Variants in ZNF843 observed in about 807,000 individuals in gnomAD.
ZNF843 encodes zinc finger protein 843.
For missense variants in ZNF843, 482 were observed against 469.4 expected (o/e 1.03, Z -0.25); for synonymous variants, 185 against 207.7 (o/e 0.89, Z 0.94).
chr16:31,437,468 ATTTT>A (rs554255057), intron 1 of ZNF843, among the ~76,000 whole-genome samples: 1 of 121,536 alleles, frequency 8.2e-6, no homozygotes. Flanking sequence ...TAGGCCCAGC[ATTTT>A]TTTTTTTTTT....
chr16:31,438,671 A>T (rs976443347), intron 1 of ZNF843, among the ~76,000 whole-genome samples: 1 of 151,986 alleles, frequency 6.6e-6, no homozygotes, highest in African/African-American at 2.4e-5. Context: ...GCATGCTGCC[A>T]CCCAGTTATT....
chr16:31,440,085 C>T (rs1013533274), intron 1 of ZNF843, among the ~76,000 whole-genome samples: 2 of 152,106 alleles, frequency 1.3e-5, no homozygotes, highest in African/African-American at 4.8e-5. Context: ...ATTGGTTAGA[C>T]CTCACAACAA....
chr16:31,436,747 A>T lies in ZNF843; in HGVS notation c.103T>A (p.Cys35Ser). ...RFTQGRQPCK[C>S]KACGRGFTQS... ...GTAAAACCCCTCCCGCAGGCCTTGC[A>T]CTTGCAGGGCTGACGGCCCTGGGTG... The change falls in exon 2 of 2, where the codon TGC becomes AGC. Residue 35 changes from cysteine to serine, a missense_variant. By Grantham distance (112) the Cys-to-Ser change is moderately radical (BLOSUM62 -1). Transcript: ENST00000315678. 6.4e-7 allele frequency: 1 copy of T among 1,551,756 alleles called. No individual in the cohort carries two copies.
chr16:31,436,681 C>G lies in ZNF843; in HGVS notation c.169G>C (p.Asp57His). ...GACAGCGACAAGGTCTCTCGCCAGT[C>G]GCTGTGGACCCGCCAGTGCTGGAGG... is the stretch of plus-strand genomic sequence containing the variant. ...SLLQHWRVHS[D>H]WRETLSLSPV... Residue 57 changes from aspartate (D) to histidine (H), a missense_variant, in exon 2 of 2, where the codon GAC (aspartate) becomes CAC (histidine). Coordinates refer to ENST00000315678, the MANE Select transcript of ZNF843 (RefSeq NM_001136509.3). The G allele has an allele frequency of 6.4e-7, 1 of 1,551,290 alleles. No individual in the cohort carries two copies. The highest frequency in any genetic ancestry group is 2.4e-5 in the East Asian group (1 of 40,908).
Position 31,436,235 on chromosome 16 carries a change from G to A in ZNF843, c.615C>T (p.Phe205=), listed in dbSNP as rs774148152. 29 of 1,542,354 alleles carry A rather than the reference G, an allele frequency of 1.9e-5. No individual in the cohort carries two copies. Among genetic ancestry groups the A allele is most frequent in the South Asian group, 1.5e-4 (12 of 82,574 alleles). Residue 205 remains phenylalanine (F), a synonymous_variant, in exon 2 of 2, where the codon TTC becomes TTT. Transcript: ENST00000315678. ...GLRPCGSPGS[F]LQHLPPSTLL... ...GTGTGGATGGGGGCAGATGTTGAAG[G>A]AAGGACCCGGGGCTCCCACAGGGCC... is the stretch of plus-strand genomic sequence containing the variant.
chr16:31,442,352 G>C (rs1302255318), intron 1 of ZNF843, among the ~76,000 whole-genome samples: 1 of 151,578 alleles, frequency 6.6e-6, no homozygotes, highest in Admixed American at 6.6e-5. Context: ...ACGGAGTCTC[G>C]CTGTGTTCCC....
At position 31,436,423 on chromosome 16, in the gene ZNF843, A is replaced by C; in HGVS notation, c.427T>G (p.Cys143Gly). 6.4e-7 allele frequency: 1 copy of C among 1,551,564 alleles called. No individual in the cohort carries two copies. Among genetic ancestry groups the C allele is most frequent in the Non-Finnish European group, 8.7e-7 (1 of 1,146,904 alleles). ...CCGCAGCTGCAGCAGCAGAAGGGAC[A>C]CACTCTCCTGTGTGAATTCGCTGGT... ...RPPANSHRRV[C>G]PFCCCSCGDS... is the part of the protein sequence containing the mutation. Residue 143 changes from cysteine to glycine, a missense_variant, in exon 2 of 2, where the codon TGT (cysteine) becomes GGT (glycine). By Grantham distance (159) the Cys-to-Gly change is radical (BLOSUM62 -3). Coordinates refer to ENST00000315678, the MANE Select transcript of ZNF843 (RefSeq NM_001136509.3).
At chr16:31,443,084 C>T (rs1165439296), upstream of ZNF843, 1 of 152,408 alleles carries the variant, frequency 6.6e-6, no homozygotes, top group Non-Finnish European at 1.5e-5. Flanking sequence ...CACTCCCTGA[C>T]CAGGATGAGG....
intron 1 of ZNF843, 22 bp from the exon 2 acceptor site, chr16:31,437,206 G>A (rs957798442): frequency 5.9e-5 from 12 of 202,738 alleles, no homozygotes; most frequent in Non-Finnish European, 6.4e-5. Context: ...GAAAACCACA[G>A]AAAAATTTTA....
At chr16:31,440,558 AT>A (rs1250977275) in intron 1 of ZNF843, among the ~76,000 whole-genome samples, 1 of 152,132 alleles carries the variant, frequency 6.6e-6, no homozygotes, top group African/African-American at 2.4e-5. Flanking sequence ...TTCCTTTATT[AT>A]TGGAATAGAT....
Position 31,435,528 on chromosome 16 carries a change from G to T in ZNF843, c.*275C>A, listed in dbSNP as rs1213800963. 1.8e-4 allele frequency: 56 copies of T among 314,492 alleles called. No homozygotes were observed. Among genetic ancestry groups the T allele is most frequent in the Non-Finnish European group, 4.1e-5 (7 of 172,722 alleles). 19.5% of individuals were successfully genotyped at this position (314,492 alleles called of 1,614,324 possible). On this transcript the variant is annotated 3_prime_UTR_variant, in exon 2 of 2. Coordinates refer to ENST00000315678, the MANE Select transcript of ZNF843 (RefSeq NM_001136509.3). The stretch of plus-strand genomic sequence containing the variant: ...AGTCTCAAATTCTTCGGGCTCACGC[G>T]ATCCTCCCACCTCGGTCTCTTAAAG...
At chr16:31,440,112 C>T (rs746333183) in intron 1 of ZNF843, among the ~76,000 whole-genome samples, 2 of 152,148 alleles carry the variant, frequency 1.3e-5, no homozygotes, top group Non-Finnish European at 2.9e-5. Flanking sequence ...AAGATACTAA[C>T]GATTACCCCA....
chr16:31,436,094 C>T lies in ZNF843; in HGVS notation c.756G>A (p.Gln252=). The T allele has an allele frequency of 1.3e-6, 2 of 1,550,384 alleles. No individual in the cohort carries two copies. The highest frequency in any genetic ancestry group is 2.4e-5 in the East Asian group (1 of 40,916). The change falls in exon 2 of 2, where the codon CAG becomes CAA. Residue 252 remains glutamine, a synonymous_variant. Coordinates refer to ENST00000315678, the MANE Select transcript of ZNF843 (RefSeq NM_001136509.3). The stretch of plus-strand genomic sequence containing the variant: ...CTGCCGGCTGGGTGGCTGGCGGAAC[C>T]TGGGCAACTTCCAGGCCTCCCAGAG... ...AVPLGGLEVA[Q]VPPATQPAAQ...
At chr16:31,442,420 A>C (rs2082204642) in intron 1 of ZNF843, among the ~76,000 whole-genome samples, 1 of 152,098 alleles carries the variant, frequency 6.6e-6, no homozygotes, top group South Asian at 2.1e-4. Context: ...TCCCGGGTTC[A>C]AGCGATTCTC....
chr16:31,437,972 G>A lies in ZNF843; in HGVS notation c.-335-788C>T, dbSNP rs930460678. ...AGATTTATTTTAAAATTTGGATTGG[G>A]GTTATAAGACTTTCAGTAGTCTTGG... On this transcript the variant is annotated intron_variant, in intron 1 of 1. Coordinates refer to ENST00000315678, the MANE Select transcript of ZNF843 (RefSeq NM_001136509.3). 2.6e-5 allele frequency among the ~76,000 whole-genome samples: 4 copies of A among 152,064 alleles called. No homozygotes were observed. The South Asian group carries it at 8.3e-4, about 31-fold the overall frequency.
chr16:31,436,748 C>G lies in ZNF843; in HGVS notation c.102G>C (p.Lys34Asn), dbSNP rs761440934. 3.2e-6 allele frequency: 5 copies of G among 1,551,796 alleles called. 1 individual carries two copies. In the South Asian group the frequency reaches 4.8e-5, roughly 15 times the overall value. Reference protein sequence around the residue: ...GRFTQGRQPCKCKACGRGFTQ... With the variant: ...GRFTQGRQPCNCKACGRGFTQ... Reference sequence around the variant, plus strand: ...TAAAACCCCTCCCGCAGGCCTTGCACTTGCAGGGCTGACGGCCCTGGGTGA... The same window carrying G: ...TAAAACCCCTCCCGCAGGCCTTGCAGTTGCAGGGCTGACGGCCCTGGGTGA... The change falls in exon 2 of 2, where the codon AAG (lysine) becomes AAC (asparagine). Residue 34 changes from lysine (K) to asparagine (N), a missense_variant. Lys to Asn is a moderately conservative substitution (Grantham distance 94, BLOSUM62 0). Coordinates refer to ENST00000315678, the MANE Select transcript of ZNF843 (RefSeq NM_001136509.3).
In ZNF843 at chr16:31,436,331, G is replaced by T; in HGVS notation, c.519C>A (p.Cys173Ter). ...RVLPHPGEKT[C>*]RGGSVESVSL... Reference sequence around the variant, plus strand: ...TGACGCTCTCCACGCTCCCACCCCTGCAGGTCTTCTCCCCTGGGTGCGGAA... The same window carrying T: ...TGACGCTCTCCACGCTCCCACCCCTTCAGGTCTTCTCCCCTGGGTGCGGAA... Residue 173 changes from cysteine (C) to a stop codon, truncating the protein, a stop_gained, in exon 2 of 2, where the codon TGC becomes TGA. Transcript: ENST00000315678. LOFTEE classifies it low-confidence loss of function (END_TRUNC). The T allele has an allele frequency of 1.3e-6, 2 of 1,546,886 alleles. No individual in the cohort carries two copies. Among genetic ancestry groups the T allele is most frequent in the Non-Finnish European group, 1.7e-6 (2 of 1,143,904 alleles).
intron 1 of ZNF843, among the ~76,000 whole-genome samples, chr16:31,437,619 G>GTT (rs749584155): frequency 0.029 from 3,164 of 109,882 alleles, 236 homozygotes; most frequent in African/African-American, 0.11. Flanking sequence ...TATAATCAAT[G>GTT]TTTTTTTTTT....
At chr16:31,442,096 G>C (rs1329843913) in intron 1 of ZNF843, among the ~76,000 whole-genome samples, 1 of 152,230 alleles carries the variant, frequency 6.6e-6, no homozygotes, top group Admixed American at 6.5e-5. Flanking sequence ...GCTGGGAAAC[G>C]GCTCCAGCAG....
Sources: allele counts gnomAD v4.1 joint callset (sites outside exome capture counted in the v4.1 genomes callset), GRCh38; gene constraint gnomAD v4.1.1; transcripts MANE v1.5; gene names NCBI Gene and HGNC (gene_info 2026-07-23, HGNC 2026-07-21).